Variants in ZNF277 observed in about 807,000 individuals in gnomAD.
ZNF277 encodes the protein nuclear receptor-interacting factor 4.
Under a neutral mutation model 60.7 loss-of-function variants are expected in ZNF277, and 55 were observed. That is an observed-to-expected ratio of 0.91 (90% CI 0.73 to 1.13). The LOEUF (loss-of-function observed/expected upper bound fraction) is 1.13, where lower values mean the gene tolerates loss of function less well. ZNF277 is among the 50% of genes most tolerant of loss of function. The pLI is 0.00. For synonymous variants in ZNF277, 178 were observed against 179.3 expected (o/e 0.99, Z 0.06); for missense variants, 510 against 523.0 (o/e 0.98, Z 0.24).
At chr7:112,309,176 G>C (rs1040326927) in intron 4 of ZNF277, among the ~76,000 whole-genome samples, 4 of 151,882 alleles carry the variant, frequency 2.6e-5, no homozygotes, top group African/African-American at 9.7e-5. Flanking sequence ...GAACCCCATC[G>C]CTGACTATGC....
chr7:112,307,000 C>T (rs1305277577), intron 4 of ZNF277, among the ~76,000 whole-genome samples: 3 of 152,038 alleles, frequency 2.0e-5, no homozygotes, highest in Admixed American at 2.0e-4. Context: ...ATTTTTTACT[C>T]CATCCCCAGC....
At chr7:112,341,168 C>A in intron 11 of ZNF277, 122 bp downstream of exon 11, 1 of 903,598 alleles carries the variant, frequency 1.1e-6, no homozygotes, top group Non-Finnish European at 1.6e-6. Flanking sequence ...AAGTATACAT[C>A]AGTACAGTGT....
At chr7:112,332,958 T>C (rs1342582757) in intron 7 of ZNF277, among the ~76,000 whole-genome samples, 1 of 152,062 alleles carries the variant, frequency 6.6e-6, no homozygotes, top group African/African-American at 2.4e-5. Flanking sequence ...ATAGAACAAG[T>C]GTATAAAAAA....
intron 7 of ZNF277, among the ~76,000 whole-genome samples, chr7:112,331,257 A>G (rs1793224589): frequency 6.6e-6 from 1 of 152,136 alleles, no homozygotes; most frequent in Non-Finnish European, 1.5e-5. Context: ...TGACTGGGGA[A>G]CTGGGCCTGC....
chr7:112,303,327 T>A (rs1792521354), intron 4 of ZNF277, among the ~76,000 whole-genome samples: 1 of 152,120 alleles, frequency 6.6e-6, no homozygotes, highest in Admixed American at 6.6e-5. Context: ...TGTATGTAAA[T>A]AAATAATAAT....
chr7:112,230,652 T>C (rs1241158741), intron 1 of ZNF277, among the ~76,000 whole-genome samples: 3 of 152,256 alleles, frequency 2.0e-5, no homozygotes, highest in Non-Finnish European at 4.4e-5. Context: ...TCTGCACTTT[T>C]AAATTTGCTT....
intron 1 of ZNF277, among the ~76,000 whole-genome samples, chr7:112,234,649 A>G (rs1438802237): frequency 6.6e-6 from 1 of 152,178 alleles, no homozygotes; most frequent in Non-Finnish European, 1.5e-5. Flanking sequence ...AGAGATGCCT[A>G]TCCTTGAGAA....
chr7:112,206,883 C>G (rs1821503398), intron 1 of ZNF277, 76 bp downstream of exon 1: 4 of 1,472,772 alleles, frequency 2.7e-6, no homozygotes, highest in Non-Finnish European at 3.7e-6. Flanking sequence ...GACCTCTGGT[C>G]TGACCCTAGG....
intron 4 of ZNF277, among the ~76,000 whole-genome samples, chr7:112,300,212 C>G (rs2117083618): frequency 6.6e-6 from 1 of 152,274 alleles, no homozygotes; most frequent in South Asian, 2.1e-4. Context: ...TGAGATTTCA[C>G]TGGTTTCTTG....
chr7:112,248,495 A>G (rs992187199), intron 1 of ZNF277, among the ~76,000 whole-genome samples: 5 of 152,248 alleles, frequency 3.3e-5, no homozygotes, highest in Middle Eastern at 3.4e-3. Flanking sequence ...AATTTTTCCA[A>G]TTATAATAAT....
chr7:112,223,851 C>T (rs779161680), intron 1 of ZNF277, among the ~76,000 whole-genome samples: 1 of 152,204 alleles, frequency 6.6e-6, no homozygotes, highest in African/African-American at 2.4e-5. Flanking sequence ...ATTGGGGTTG[C>T]AGTCTTCCTT....
At position 112,279,901 on chromosome 7, in the gene ZNF277, T is replaced by C. The variant is rs1237567322; in HGVS notation, c.92-6972T>C. On this transcript the variant is annotated intron_variant, in intron 1 of 11. Transcript: ENST00000361822. ...GCTAAGGAGAAGGATGGATTGGTTG[T>C]GCTGTTTCAGGTGTGGCTGAGGCTG... 3.9e-5 allele frequency among the ~76,000 whole-genome samples: 6 copies of C among 152,148 alleles called. No individual in the cohort carries two copies. In the East Asian group the frequency reaches 1.2e-3, roughly 29 times the overall value.
chr7:112,252,479 TAAAAAG>T (rs1381619032), intron 1 of ZNF277, among the ~76,000 whole-genome samples: 2 of 152,114 alleles, frequency 1.3e-5, no homozygotes, highest in Admixed American at 6.6e-5. Flanking sequence ...AAGAAAAACT[TAAAAAG>T]AAACAAAACT....
intron 1 of ZNF277, among the ~76,000 whole-genome samples, chr7:112,212,591 A>C (rs553780294): frequency 6.6e-5 from 10 of 152,192 alleles, no homozygotes; most frequent in African/African-American, 1.9e-4. Flanking sequence ...GATAGGCCCA[A>C]TTATAAAGAT....
intron 4 of ZNF277, among the ~76,000 whole-genome samples, chr7:112,299,277 T>C (rs1422646063): frequency 1.3e-5 from 2 of 152,166 alleles, no homozygotes; most frequent in African/African-American, 4.8e-5. Context: ...GTAAGAAGCA[T>C]GTCCAGAAAG....
rs73424456 is a variant in ZNF277, at chr7:112,304,248, C to A, written c.465+7937C>A. On this transcript the variant is annotated intron_variant, in intron 4 of 11. Coordinates refer to ENST00000361822, the MANE Select transcript of ZNF277 (RefSeq NM_021994.3). ...TACAGTTATCCCTGCCTTATACATG[C>A]AGAGCTGTGTGTTTAAGTATATTAA... Among the ~76,000 whole-genome samples the A allele has an allele frequency of 8.1e-3, 1,229 of 152,202 alleles. 13 individuals are homozygous for A. The highest frequency in any genetic ancestry group is 0.028 in the African/African-American group (1,154 of 41,534).
At chr7:112,309,514 G>C (rs1441238312) in intron 4 of ZNF277, among the ~76,000 whole-genome samples, 1 of 151,962 alleles carries the variant, frequency 6.6e-6, no homozygotes, top group Non-Finnish European at 1.5e-5. Flanking sequence ...CACTGAGTTT[G>C]AGGGTGTGCT....
chr7:112,222,036 G>A (rs1405848126), intron 1 of ZNF277, among the ~76,000 whole-genome samples: 1 of 152,182 alleles, frequency 6.6e-6, no homozygotes, highest in Non-Finnish European at 1.5e-5. Flanking sequence ...ATATCCCTGA[G>A]ATGAATTCCA....
chr7:112,251,641 T>G (rs539802576), intron 1 of ZNF277, among the ~76,000 whole-genome samples: 2 of 152,318 alleles, frequency 1.3e-5, no homozygotes, highest in South Asian at 4.1e-4. Context: ...TCTTTACTAG[T>G]GATACCCTTG....
Sources: allele counts gnomAD v4.1 joint callset (sites outside exome capture counted in the v4.1 genomes callset), GRCh38; gene constraint gnomAD v4.1.1; transcripts MANE v1.5; gene names NCBI Gene and HGNC (gene_info 2026-07-23, HGNC 2026-07-21).